FYB1: variants seen among roughly 807,000 people sequenced by gnomAD.
The protein encoded by FYB1 is FYN binding protein 1, also known as FYN-binding protein 1.
Under a neutral mutation model 94.1 loss-of-function variants are expected in FYB1, and 41 were observed. The observed-to-expected ratio is 0.44, with a 90% CI of 0.34 to 0.57. FYB1 has a LOEUF of 0.57. Ranked by LOEUF, FYB1 falls within the 20% of genes least tolerant of loss-of-function variation. FYB1 has a pLI of 0.02. For synonymous variants in FYB1, 367 were observed against 353.2 expected, an observed-to-expected ratio of 1.04 and a Z score of -0.44; for missense variants, 1,050 against 976.8, an observed-to-expected ratio of 1.07 and a Z score of -1.00.
At chr5:39,255,215 A>T (rs544845865) in intron 1 of FYB1, among the ~76,000 whole-genome samples, 2 of 152,310 alleles carry the variant, frequency 1.3e-5, no homozygotes, top group Admixed American at 6.5e-5. Context: ...TGGGTTAAGA[A>T]TATAGAAAAT....
chr5:39,218,018 G>C (rs992518691), intron 1 of FYB1, among the ~76,000 whole-genome samples: 5 of 152,186 alleles, frequency 3.3e-5, no homozygotes, highest in Admixed American at 6.5e-5. Context: ...GTGCAGCATT[G>C]CACCAGAAAT....
chr5:39,194,287 G>A (rs1305474001), intron 2 of FYB1, among the ~76,000 whole-genome samples: 1 of 152,186 alleles, frequency 6.6e-6, no homozygotes, highest in African/African-American at 2.4e-5. Flanking sequence ...TTGGGAAGCT[G>A]AGGCAGGAGG....
chr5:39,157,692 A>C (rs1549690), intron 2 of FYB1, among the ~76,000 whole-genome samples: 123,034 of 152,098 alleles, frequency 0.81, 52,213 homozygotes, highest in Non-Finnish European at 0.94. Flanking sequence ...CTCTGATCTA[A>C]TTATGGACCT....
chr5:39,262,833 C>T (rs1752279954), intron 1 of FYB1, among the ~76,000 whole-genome samples: 2 of 151,796 alleles, frequency 1.3e-5, no homozygotes, highest in African/African-American at 4.8e-5. Context: ...CAAAACAATA[C>T]TATATGTTTG....
At chr5:39,229,958 T>G (rs1750650149) in intron 1 of FYB1, among the ~76,000 whole-genome samples, 1 of 152,166 alleles carries the variant, frequency 6.6e-6, no homozygotes, top group South Asian at 2.1e-4. Context: ...ATCTGTACTC[T>G]TCAGAGCTCT....
intron 3 of FYB1, among the ~76,000 whole-genome samples, chr5:39,142,139 T>C (rs545383005): frequency 6.6e-6 from 1 of 152,354 alleles, no homozygotes; most frequent in Admixed American, 6.5e-5. Flanking sequence ...ACTCTGGACA[T>C]TACAAACAAT....
At chr5:39,170,769 T>C (rs1745184570) in intron 2 of FYB1, among the ~76,000 whole-genome samples, 1 of 152,204 alleles carries the variant, frequency 6.6e-6, no homozygotes, top group African/African-American at 2.4e-5. Context: ...AACTGTGACC[T>C]TCTGGATCTA....
chr5:39,173,016 G>T (rs1745393945), intron 2 of FYB1, among the ~76,000 whole-genome samples: 1 of 152,132 alleles, frequency 6.6e-6, no homozygotes, highest in African/African-American at 2.4e-5. Flanking sequence ...ATACTTTGAG[G>T]AGTCTCCAAG....
chr5:39,152,323 T>C (rs1390871501), intron 3 of FYB1, among the ~76,000 whole-genome samples: 5 of 152,334 alleles, frequency 3.3e-5, no homozygotes, highest in Admixed American at 2.0e-4. Context: ...GAATATGTTT[T>C]CTATCCTTTC....
rs1196354434 is a variant in FYB1 at position 39,202,444 on chromosome 5, A to C, written c.517T>G (p.Leu173Val). ...ENEQKQAFPK[L>V]TGVKGKFMSA... ...ATAAATTTCCCTTTAACCCCAGTCA[A>C]TTTGGGAAACGCTTGCTTCTGTTCA... The change falls in exon 2 of 19, where the codon TTG becomes GTG. Residue 173 changes from leucine to valine, a missense_variant. Leu to Val is a conservative substitution (Grantham distance 32). Transcript: ENST00000512982. 6.2e-7 allele frequency: 1 copy of C among 1,613,650 alleles called. No individual in the cohort carries two copies. The highest frequency in any genetic ancestry group is 8.5e-7 in the Non-Finnish European group (1 of 1,179,806).
intron 2 of FYB1, among the ~76,000 whole-genome samples, chr5:39,167,802 A>T (rs915372686): frequency 2.6e-5 from 4 of 152,230 alleles, no homozygotes; most frequent in African/African-American, 9.6e-5. Context: ...AGGCTTCAGC[A>T]ATGTGCCTCA....
At chr5:39,234,413 G>T (rs1017973094) in intron 1 of FYB1, among the ~76,000 whole-genome samples, 4 of 152,038 alleles carry the variant, frequency 2.6e-5, no homozygotes, top group African/African-American at 9.7e-5. Context: ...TGGTCCTATT[G>T]TGTCAAGGAG....
intron 1 of FYB1, among the ~76,000 whole-genome samples, chr5:39,262,847 ATAT>A (rs1230630518): frequency 6.6e-6 from 1 of 152,184 alleles, no homozygotes; most frequent in African/African-American, 2.4e-5. Flanking sequence ...ATGTTTGGAG[ATAT>A]TATAAGTTTT....
At chr5:39,261,750 A>AAAAAGAAAAG (rs111800452) in intron 1 of FYB1, among the ~76,000 whole-genome samples, 6 of 151,736 alleles carry the variant, frequency 4.0e-5, no homozygotes, top group African/African-American at 7.3e-5. Flanking sequence ...CTGTCTCAAA[A>AAAAAGAAAAG]AAAAGAAAAG....
At chr5:39,223,462 G>C (rs1750353574), upstream of FYB1, among the ~76,000 whole-genome samples, 2 of 152,046 alleles carry the variant, frequency 1.3e-5, no homozygotes, top group South Asian at 2.1e-4. Context: ...TATTTTTGTG[G>C]CTATTCACTA....
intron 1 of FYB1, among the ~76,000 whole-genome samples, chr5:39,254,099 T>C (rs972045052): frequency 1.6e-4 from 24 of 152,190 alleles, no homozygotes; most frequent in Admixed American, 7.2e-4. Context: ...CTACCACTGA[T>C]GGGCATTTAG....
In FYB1 at chr5:39,271,749, G is replaced by A. The variant is rs537506679; in HGVS notation, c.-28+2654C>T. 7.2e-5 allele frequency among the ~76,000 whole-genome samples: 11 copies of A among 152,338 alleles called. No individual in the cohort carries two copies. The South Asian group carries it at 1.0e-3, about 14-fold the overall frequency. ...AGTTCCAGAAGTAGAAACTGAGATT[G>A]TCCTGAAAACTTTACATATTATAAA... On this transcript the variant is annotated intron_variant, in intron 1 of 1. Coordinates refer to the FYB1 transcript ENST00000510188.
chr5:39,189,994 C>G (rs542096131), intron 2 of FYB1, among the ~76,000 whole-genome samples: 1 of 152,238 alleles, frequency 6.6e-6, no homozygotes, highest in African/African-American at 2.4e-5. Context: ...CTTCATAGAT[C>G]TGCAGAGAGC....
chr5:39,208,850 C>T (rs1233974911), intron 1 of FYB1: 1 of 152,140 alleles, frequency 6.6e-6, no homozygotes, highest in East Asian at 1.9e-4. Context: ...CTCCCCTAAG[C>T]TGGAGAAACT....
Sources: gnomAD v4.1 joint callset for allele counts (sites outside exome capture counted in the v4.1 genomes callset) on GRCh38, gnomAD v4.1.1 for gene constraint, MANE v1.5 for transcripts, NCBI Gene and HGNC (gene_info 2026-07-23, HGNC 2026-07-21) for gene names.